Variants in NPHP4 observed in about 807,000 individuals in gnomAD.
NPHP4 encodes the protein nephrocystin-4.
A neutral mutation model predicts 155.8 loss-of-function variants in NPHP4; 151 were observed. The ratio of observed to expected loss-of-function variants is 0.97; its 90% CI spans 0.85 to 1.11. The LOEUF (loss-of-function observed/expected upper bound fraction) is 1.11, where lower values mean the gene tolerates loss of function less well. NPHP4 is among the 50% of genes least tolerant of loss of function. The pLI is 0.00. For synonymous variants in NPHP4, 845 were observed against 816.8 expected, an observed-to-expected ratio of 1.03 and a Z score of -0.59; for missense variants, 1,956 against 1,925.7, an observed-to-expected ratio of 1.02 and a Z score of -0.29.
At chr1:5,931,858 T>G (rs1378238856) in intron 10 of NPHP4, among the ~76,000 whole-genome samples, 2 of 151,944 alleles carry the variant, frequency 1.3e-5, no homozygotes, top group Non-Finnish European at 2.9e-5. Context: ...GAGGATCCCT[T>G]GAACCCAGGA....
At chr1:5,965,808 G>A (rs1284857202) in intron 5 of NPHP4, among the ~76,000 whole-genome samples, 7 of 152,172 alleles carry the variant, frequency 4.6e-5, no homozygotes, top group Non-Finnish European at 8.8e-5. Flanking sequence ...AGTCTACGGA[G>A]GGCATGCAGG....
intron 22 of NPHP4, 75 bp downstream of exon 22, chr1:5,874,396 T>C (rs1642332009): frequency 1.5e-6 from 2 of 1,348,508 alleles, no homozygotes; most frequent in African/African-American, 1.5e-5. Flanking sequence ...GGGACACTGG[T>C]GGAGACTGGA....
chr1:5,876,926 C>T (rs1204448914), intron 20 of NPHP4, 167 bp downstream of exon 20: 5 of 452,480 alleles, frequency 1.1e-5, no homozygotes, highest in Non-Finnish European at 1.9e-5. Flanking sequence ...ATAATTCTCA[C>T]TTAAAGATTT....
At chr1:5,977,348 G>A (rs1653796836) in intron 3 of NPHP4, among the ~76,000 whole-genome samples, 1 of 151,898 alleles carries the variant, frequency 6.6e-6, no homozygotes, top group South Asian at 2.1e-4. Context: ...AAGCAGCCTC[G>A]TCCCTGCTTG....
intron 16 of NPHP4, among the ~76,000 whole-genome samples, chr1:5,900,588 C>T (rs879478911): frequency 7.2e-5 from 11 of 152,086 alleles, no homozygotes; most frequent in South Asian, 2.1e-4. Context: ...AGGTGTAGGG[C>T]CATGAAGCTA....
At chr1:5,865,494 T>A (rs1223351264) in intron 26 of NPHP4, 6 of 466,732 alleles carry the variant, frequency 1.3e-5, no homozygotes, top group Admixed American at 3.4e-5. Flanking sequence ...CACCCCTGGC[T>A]GCCCATCTCC....
At position 5,905,443 on chromosome 1, in the gene NPHP4, G is replaced by A. The variant is rs771318550; in HGVS notation, c.1804C>T (p.Gln602Ter). Residue 602 changes from glutamine to a stop codon, truncating the protein, a stop_gained, in exon 15 of 30, where the codon CAG becomes TAG. Coordinates refer to ENST00000378156, the MANE Select transcript of NPHP4 (RefSeq NM_015102.5). LOFTEE classifies it high-confidence loss of function. This position sits in a 1 kb window ranked among gnomAD's most constrained non-coding sequence, Gnocchi z 4.0. ...QPSRASMVLLQSSGFPEILDA... is the reference protein window; with the variant it reads ...QPSRASMVLL Reference sequence around the variant, plus strand: ...AGAATCTCGGGAAAGCCGGAGGACTGCAGGAGCACCATGGAGGCTCTCGAG... The same window carrying A: ...AGAATCTCGGGAAAGCCGGAGGACTACAGGAGCACCATGGAGGCTCTCGAG... 6.2e-7 allele frequency: 1 copy of A among 1,610,172 alleles called. No homozygotes were observed. The highest frequency in any genetic ancestry group is 8.5e-7 in the Non-Finnish European group (1 of 1,176,662).
chr1:5,956,380 C>A (rs1427279521), intron 6 of NPHP4, among the ~76,000 whole-genome samples: 1 of 152,240 alleles, frequency 6.6e-6, no homozygotes, highest in Non-Finnish European at 1.5e-5. Flanking sequence ...AGATGCAAGT[C>A]CCACGCACAG....
Position 5,867,435 on chromosome 1 carries a change from A to C in NPHP4, c.3472+305T>G. 1.8e-6 allele frequency: 1 copy of C among 545,988 alleles called. No individual in the cohort carries two copies. Among genetic ancestry groups the C allele is most frequent in the East Asian group, 3.1e-5 (1 of 32,268 alleles). The allele number at this position is 545,988 out of a possible 1,614,324, so 33.8% of individuals were successfully genotyped here. A position where few individuals can be genotyped will look rare whatever the true frequency, so the allele number is the denominator to read the frequency against. ...TCTGCTGTAAGGGGCACCTACCAGA[A>C]ACACGCGGGCCGTCAGGTGAGGAGG... On this transcript the variant is annotated intron_variant, in intron 24 of 29. Transcript: ENST00000378156. This position sits in a 1 kb window ranked among gnomAD's most constrained non-coding sequence, Gnocchi z 4.1.
chr1:5,968,052 A>G (rs1651857590), intron 4 of NPHP4, among the ~76,000 whole-genome samples: 1 of 151,992 alleles, frequency 6.6e-6, no homozygotes, highest in Admixed American at 6.5e-5. Context: ...ATGAACACCT[A>G]CTGCCTGCCA....
rs778733885 is a variant in NPHP4, at chr1:5,905,196, C to T, written c.1955+96G>A. 10 of 1,008,536 alleles carry T rather than the reference C, an allele frequency of 9.9e-6. No homozygotes were observed. Among genetic ancestry groups the T allele is most frequent in the Non-Finnish European group, 1.6e-5 (10 of 634,346 alleles). The allele number at this position is 1,008,536 out of a possible 1,614,324, so 62.5% of individuals were successfully genotyped here. A position where few individuals can be genotyped will look rare whatever the true frequency, so the allele number is the denominator to read the frequency against. ...ACTCCCGAATCTACTAAGACCTCAG[C>T]ACAGACAGTTCTGCCAGGTCAGAAC... On this transcript the variant is annotated intron_variant, in intron 15 of 29. Transcript: ENST00000378156. This position sits in a 1 kb window ranked among gnomAD's most constrained non-coding sequence, Gnocchi z 4.0.
chr1:5,931,733 CAAAAAA>C (rs60217132), intron 10 of NPHP4, among the ~76,000 whole-genome samples: 11 of 79,328 alleles, frequency 1.4e-4, no homozygotes, highest in African/African-American at 3.9e-4. Flanking sequence ...GACTTCATCT[CAAAAAA>C]AAAAAAAAAA....
chr1:5,989,468 C>T (rs1271943057), intron 1 of NPHP4, among the ~76,000 whole-genome samples: 1 of 152,192 alleles, frequency 6.6e-6, no homozygotes, highest in Non-Finnish European at 1.5e-5. Flanking sequence ...TTGGTCACAT[C>T]ATTCGTCACC....
chr1:5,865,213 G>A lies in NPHP4; in HGVS notation c.3705C>T (p.Arg1235=), dbSNP rs199925943. The change falls in exon 27 of 30, where the codon CGC becomes CGT. Residue 1235 remains arginine, a synonymous_variant. Coordinates refer to ENST00000378156, the MANE Select transcript of NPHP4 (RefSeq NM_015102.5). ...TWQVYLHSLQ[R]VDVSCVAGQL... ...GGCCTGCGACGCAGGAGACATCCAC[G>A]CGCTGCAGGGAGTGGAGGTAGACCT... 1.6e-4 allele frequency: 257 copies of A among 1,606,136 alleles called. 2 individuals are homozygous for A. The highest frequency in any genetic ancestry group is 1.7e-4 in the Middle Eastern group (1 of 5,986).
At chr1:5,878,484 T>C (rs938233154) in intron 19 of NPHP4, among the ~76,000 whole-genome samples, 2 of 152,204 alleles carry the variant, frequency 1.3e-5, no homozygotes, top group Admixed American at 6.5e-5. Context: ...CCCCAACAAA[T>C]ACCTCTCGTG....
At chr1:5,975,451 G>A (rs975218734) in intron 3 of NPHP4, among the ~76,000 whole-genome samples, 3 of 152,196 alleles carry the variant, frequency 2.0e-5, no homozygotes, top group Non-Finnish European at 4.4e-5. Flanking sequence ...AAGTGCCCTG[G>A]CCACACCACA....
intron 10 of NPHP4, among the ~76,000 whole-genome samples, chr1:5,931,255 T>C (rs191603106): frequency 6.0e-4 from 92 of 152,318 alleles, no homozygotes; most frequent in African/African-American, 2.1e-3. Context: ...ACACGTAATG[T>C]AATTATAGGC....
intron 6 of NPHP4, among the ~76,000 whole-genome samples, chr1:5,953,535 C>T (rs371643002): frequency 1.3e-5 from 2 of 152,364 alleles, no homozygotes; most frequent in East Asian, 3.9e-4. Context: ...GCCAGCCACG[C>T]CGCTCCTTAC....
intron 16 of NPHP4, among the ~76,000 whole-genome samples, chr1:5,895,171 G>T (rs112793167): frequency 6.6e-6 from 1 of 151,942 alleles, no homozygotes; most frequent in Non-Finnish European, 1.5e-5. Context: ...ATCACACACC[G>T]GGGCCTGTCG....
Sources: allele counts gnomAD v4.1 joint callset (sites outside exome capture counted in the v4.1 genomes callset), GRCh38; gene constraint gnomAD v4.1.1; non-coding constraint Gnocchi (gnomAD v3.1); transcripts MANE v1.5; gene names NCBI Gene and HGNC (gene_info 2026-07-23, HGNC 2026-07-21).